ASF1B: variants seen among roughly 807,000 people sequenced by gnomAD.
ASF1B encodes histone chaperone ASF1B.
ASF1B carries 10 observed loss-of-function variants against 16.6 expected under a neutral mutation model. That is an observed-to-expected ratio of 0.60 (90% CI 0.37 to 1.02). The LOEUF (loss-of-function observed/expected upper bound fraction) is 1.02. Among genes scored for constraint, ASF1B ranks in the 50% least tolerant of loss-of-function variants. The probability of loss-of-function intolerance (pLI) is 0.01; values close to 1 mark genes in which losing one functional copy is unlikely to be tolerated. For missense variants in ASF1B, 240 were observed against 266.0 expected (o/e 0.90, Z 0.68); for synonymous variants, 101 against 106.2 (o/e 0.95, Z 0.30).
intron 1 of ASF1B, among the ~76,000 whole-genome samples, chr19:14,135,666 G>T (rs1967481594): frequency 6.6e-6 from 1 of 152,088 alleles, no homozygotes; most frequent in African/African-American, 2.4e-5. Flanking sequence ...GGAAAAAAAG[G>T]TTACTGGAGG....
intron 3 of ASF1B, 87 bp from the exon 4 acceptor site, chr19:14,120,752 A>C: frequency 7.1e-5 from 90 of 1,260,556 alleles, no homozygotes; most frequent in Middle Eastern, 1.9e-4. Context: ...CACCCATCTC[A>C]AGCCCAGCAA....
chr19:14,130,480 G>A (rs1034880222), intron 1 of ASF1B, among the ~76,000 whole-genome samples: 1 of 150,498 alleles, frequency 6.6e-6, no homozygotes, highest in South Asian at 2.1e-4. Context: ...TCCAGTCTGG[G>A]CAACATAGTG....
chr19:14,120,808 C>CTTATTTAT (rs547008412), intron 3 of ASF1B, 143 bp from the exon 4 acceptor site: 9 of 653,036 alleles, frequency 1.4e-5, no homozygotes, highest in African/African-American at 1.3e-4. Context: ...TGGCCAGGAC[C>CTTATTTAT]TTATTTATTT....
chr19:14,121,117 T>A (rs1032936608), intron 3 of ASF1B, among the ~76,000 whole-genome samples: 30 of 151,154 alleles, frequency 2.0e-4, no homozygotes, highest in South Asian at 1.9e-3. Context: ...CCACTGTGCC[T>A]GGCCCAGGAC....
At position 14,131,335 on chromosome 19, in the gene ASF1B, C is replaced by T. The variant is rs142261455; in HGVS notation, c.109+5013G>A. ...GAGTAGCTGGGATTATAGCTGCGTGCCACCATGCCTGGCTAATTTTTGTAT... is the reference window on the plus strand; with the variant it reads ...GAGTAGCTGGGATTATAGCTGCGTGTCACCATGCCTGGCTAATTTTTGTAT... On this transcript the variant is annotated intron_variant, in intron 1 of 3. Transcript: ENST00000263382. Among the ~76,000 whole-genome samples the T allele has an allele frequency of 2.8e-3, 420 of 151,966 alleles. 4 individuals carry two copies. Among genetic ancestry groups the T allele is most frequent in the African/African-American group, 9.7e-3 (401 of 41,436 alleles).
chr19:14,136,582 T>C lies in ASF1B; in HGVS notation c.-126A>G. The C allele has an allele frequency of 4.2e-6, 3 of 707,904 alleles. No individual in the cohort carries two copies. Among genetic ancestry groups the C allele is most frequent in the Non-Finnish European group, 6.9e-6 (3 of 437,596 alleles). 43.9% of individuals were successfully genotyped at this position (707,904 alleles called of 1,614,324 possible). Reference sequence around the variant, plus strand: ...ACTCCCGCCTCTTCTCTCCGAGAACTGAAGTGCGCACCTAGTCCGCGCGCC... The same window carrying C: ...ACTCCCGCCTCTTCTCTCCGAGAACCGAAGTGCGCACCTAGTCCGCGCGCC... On this transcript the variant is annotated 5_prime_UTR_variant, in exon 1 of 4. Coordinates refer to ENST00000263382, the MANE Select transcript of ASF1B (RefSeq NM_018154.3).
chr19:14,133,641 C>G (rs1428152811), intron 1 of ASF1B, among the ~76,000 whole-genome samples: 1 of 151,676 alleles, frequency 6.6e-6, no homozygotes, highest in Non-Finnish European at 1.5e-5. Flanking sequence ...GCACTCCAGC[C>G]TGGGGGACAA....
chr19:14,133,030 G>C (rs1009568298), intron 1 of ASF1B, among the ~76,000 whole-genome samples: 1 of 151,812 alleles, frequency 6.6e-6, no homozygotes, highest in Non-Finnish European at 1.5e-5. Flanking sequence ...TGAGGCAGGA[G>C]AATGGCGTGA....
At position 14,120,684 on chromosome 19, in the gene ASF1B, C is replaced by G; in HGVS notation, c.403-19G>C. ...GCTGGAGCTGGGGCAGGAAGAGGAA[C>G]GTCAACCCTTGTAGGTACGCCCTCT... On this transcript the variant is annotated intron_variant, in intron 3 of 3. Transcript: ENST00000263382. 1 of 1,613,150 alleles carries G rather than the reference C, an allele frequency of 6.2e-7. No homozygotes were observed. Among genetic ancestry groups the G allele is most frequent in the East Asian group, 2.2e-5 (1 of 44,876 alleles).
intron 3 of ASF1B, chr19:14,121,275 ATTTTT>A (rs71170594): frequency 4.2e-3 from 1,249 of 297,042 alleles, no homozygotes; most frequent in Middle Eastern, 6.9e-3. Flanking sequence ...TGTCTGGCTC[ATTTTT>A]TTTTTTTTTT....
chr19:14,129,678 CAAAAAAAAAAAAAA>C (rs549023648), intron 1 of ASF1B, among the ~76,000 whole-genome samples: 133 of 34,640 alleles, frequency 3.8e-3, no homozygotes, highest in South Asian at 4.9e-3. Context: ...CAGCCTCCGT[CAAAAAAAAAAAAAA>C]AAAAAAAAAA....
intron 2 of ASF1B, among the ~76,000 whole-genome samples, chr19:14,122,370 T>C (rs1967253055): frequency 6.6e-6 from 1 of 151,118 alleles, no homozygotes; most frequent in African/African-American, 2.4e-5. Context: ...CCTGGACTTT[T>C]TTTTTTTTTA....
rs965726314 is a variant in ASF1B, at chr19:14,120,362, C to G, written c.*97G>C. On this transcript the variant is annotated 3_prime_UTR_variant, in exon 4 of 4. Transcript: ENST00000263382. ...TGAGTTTGACAGACCTGGATTGCAG[C>G]TGATGGCCCCCAAAGTCCTCTAGAT... The G allele has an allele frequency of 5.1e-5, 63 of 1,243,304 alleles. No individual in the cohort carries two copies. Among genetic ancestry groups the G allele is most frequent in the African/African-American group, 7.7e-5 (5 of 65,290 alleles). The allele number at this position is 1,243,304 out of a possible 1,614,324, so 77.0% of individuals were successfully genotyped here. A position where few individuals can be genotyped will look rare whatever the true frequency, so the allele number is the denominator to read the frequency against.
chr19:14,123,704 C>T (rs559086488), intron 2 of ASF1B, among the ~76,000 whole-genome samples: 79 of 151,982 alleles, frequency 5.2e-4, no homozygotes, highest in African/African-American at 1.9e-3. Flanking sequence ...GATAGCTTTT[C>T]CCTCTGTCAT....
intron 1 of ASF1B, among the ~76,000 whole-genome samples, chr19:14,129,322 A>G (rs1012361839): frequency 2.0e-5 from 3 of 152,142 alleles, no homozygotes; most frequent in Non-Finnish European, 4.4e-5. Context: ...GGCTCTTTCA[A>G]CCAGGGCTGG....
At chr19:14,134,182 T>G (rs966571667) in intron 1 of ASF1B, among the ~76,000 whole-genome samples, 1 of 152,146 alleles carries the variant, frequency 6.6e-6, no homozygotes, top group African/African-American at 2.4e-5. Flanking sequence ...TGGGAATCCC[T>G]CAACCTATTA....
At chr19:14,127,977 C>T (rs1451431291) in intron 1 of ASF1B, among the ~76,000 whole-genome samples, 1 of 152,100 alleles carries the variant, frequency 6.6e-6, no homozygotes, top group Admixed American at 6.5e-5. Context: ...CAGGAGGGCC[C>T]CCTCCCCTGA....
In ASF1B at chr19:14,126,113, C is replaced by T. The variant is rs543610465; in HGVS notation, c.225+9G>A. ...CAAGGGCTAAGGCCTAAGGCCTCAT[C>T]TTTCTTACCTGAAAGACAAACATGT... On this transcript the variant is annotated intron_variant, in intron 2 of 3. Coordinates refer to ENST00000263382, the MANE Select transcript of ASF1B (RefSeq NM_018154.3). 12 of 1,587,732 alleles carry T rather than the reference C, an allele frequency of 7.6e-6. No homozygotes were observed. The Middle Eastern group carries it at 1.0e-3, about 135-fold the overall frequency.
chr19:14,128,833 C>T (rs974699151), intron 1 of ASF1B, among the ~76,000 whole-genome samples: 1 of 152,214 alleles, frequency 6.6e-6, no homozygotes, highest in African/African-American at 2.4e-5. Context: ...CCAGCCAGCC[C>T]TGCTCTCTCC....
Sources: allele counts gnomAD v4.1 joint callset (sites outside exome capture counted in the v4.1 genomes callset), GRCh38; gene constraint gnomAD v4.1.1; transcripts MANE v1.5; gene names NCBI Gene and HGNC (gene_info 2026-07-23, HGNC 2026-07-21).